The following GRM5 variants were observed in gnomAD, a reference collection of about 807,000 sequenced individuals.
GRM5 encodes metabotropic glutamate receptor 5.
Under a neutral mutation model 83.1 loss-of-function variants are expected in GRM5, and 19 were observed. The ratio of observed to expected loss-of-function variants is 0.23; its 90% CI spans 0.16 to 0.34. The LOEUF (loss-of-function observed/expected upper bound fraction) is 0.34, where lower values mean the gene tolerates loss of function less well. Ranked by LOEUF, GRM5 falls within the 10% of genes least tolerant of loss-of-function variation. The probability of loss-of-function intolerance (pLI) is 1.00; values close to 1 mark genes in which losing one functional copy is unlikely to be tolerated. For synonymous variants in GRM5, 675 were observed against 633.6 expected (o/e 1.07, Z -0.98); for missense variants, 1,160 against 1,588.3 (o/e 0.73, Z 4.58).
chr11:88,531,539 G>T (rs1024794933), intron 8 of GRM5, among the ~76,000 whole-genome samples: 1 of 152,090 alleles, frequency 6.6e-6, no homozygotes, highest in African/African-American at 2.4e-5. Flanking sequence ...GTATGAGTGA[G>T]GACACTCAAG....
At chr11:88,568,344 C>T (rs1942915443) in intron 7 of GRM5, among the ~76,000 whole-genome samples, 1 of 152,132 alleles carries the variant, frequency 6.6e-6, no homozygotes, top group Non-Finnish European at 1.5e-5. Flanking sequence ...TCTCTTGAAG[C>T]AGCAAAGGCC....
chr11:88,829,466 C>T (rs1943949005), intron 3 of GRM5, among the ~76,000 whole-genome samples: 1 of 151,702 alleles, frequency 6.6e-6, no homozygotes, highest in Non-Finnish European at 1.5e-5. Context: ...GTCTCAAAAA[C>T]AAACAAACAA....
chr11:88,893,423 G>C (rs529467887), intron 2 of GRM5, among the ~76,000 whole-genome samples: 105 of 152,070 alleles, frequency 6.9e-4, no homozygotes, highest in African/African-American at 2.5e-3. Context: ...GTAAATACCT[G>C]TCCTAAAAAG....
intron 3 of GRM5, among the ~76,000 whole-genome samples, chr11:88,828,921 A>G (rs1943938380): frequency 6.6e-6 from 1 of 152,096 alleles, no homozygotes; most frequent in East Asian, 1.9e-4. Context: ...ATCTGTCTTT[A>G]TGGCAGAATG....
intron 8 of GRM5, among the ~76,000 whole-genome samples, chr11:88,542,572 A>T (rs953168891): frequency 6.6e-6 from 1 of 152,220 alleles, no homozygotes; most frequent in Non-Finnish European, 1.5e-5. Context: ...TGGAATTCAA[A>T]GCTAGGTTCT....
At chr11:88,529,885 A>G (rs1456450042) in intron 8 of GRM5, among the ~76,000 whole-genome samples, 1 of 152,060 alleles carries the variant, frequency 6.6e-6, no homozygotes, top group Non-Finnish European at 1.5e-5. Context: ...CTGAGTTAAG[A>G]AAATTCAAGA....
At chr11:88,737,376 T>A (rs1399492824) in intron 3 of GRM5, among the ~76,000 whole-genome samples, 2 of 152,072 alleles carry the variant, frequency 1.3e-5, no homozygotes, top group East Asian at 3.9e-4. Context: ...CTTGGTGCTT[T>A]AATCCAGTAG....
At chr11:88,891,864 T>A (rs1240194346) in intron 2 of GRM5, among the ~76,000 whole-genome samples, 3 of 152,016 alleles carry the variant, frequency 2.0e-5, no homozygotes, top group African/African-American at 7.2e-5. Flanking sequence ...CTGAAATGTT[T>A]ATGAATATCA....
chr11:88,734,855 C>A (rs1941880103), intron 3 of GRM5, among the ~76,000 whole-genome samples: 2 of 152,032 alleles, frequency 1.3e-5, no homozygotes, highest in South Asian at 4.2e-4. Flanking sequence ...GAAATGGATT[C>A]CAGAGATGGA....
chr11:88,777,422 C>T (rs970633167), intron 3 of GRM5, among the ~76,000 whole-genome samples: 4 of 152,188 alleles, frequency 2.6e-5, no homozygotes, highest in African/African-American at 4.8e-5. Flanking sequence ...TACCAACCTT[C>T]TGCAGCCTAC....
chr11:89,013,998 T>A (rs1342002603), intron 2 of GRM5, among the ~76,000 whole-genome samples: 1 of 152,192 alleles, frequency 6.6e-6, no homozygotes, highest in Non-Finnish European at 1.5e-5. Context: ...CTTATATTTT[T>A]TATTCTAGTT....
intron 3 of GRM5, among the ~76,000 whole-genome samples, chr11:88,746,633 C>T (rs537483868): frequency 6.6e-6 from 1 of 151,822 alleles, no homozygotes; most frequent in East Asian, 1.9e-4. Flanking sequence ...TTTATTTTCA[C>T]CTGCATTCAT....
intron 2 of GRM5, among the ~76,000 whole-genome samples, chr11:88,979,740 G>A (rs949633923): frequency 6.6e-6 from 1 of 152,014 alleles, no homozygotes; most frequent in Non-Finnish European, 1.5e-5. Flanking sequence ...CTCCTGTGCT[G>A]CAGTAGAGAG....
At chr11:88,966,509 A>T (rs549876748) in intron 2 of GRM5, among the ~76,000 whole-genome samples, 1 of 152,172 alleles carries the variant, frequency 6.6e-6, no homozygotes, top group Non-Finnish European at 1.5e-5. Flanking sequence ...AAGGGACATC[A>T]TTACATACCT....
intron 2 of GRM5, among the ~76,000 whole-genome samples, chr11:88,893,785 C>T (rs557515197): frequency 1.2e-4 from 18 of 152,010 alleles, no homozygotes; most frequent in African/African-American, 2.2e-4. Context: ...CCCCACATGA[C>T]GTCCCTTTTC....
chr11:88,887,731 C>A (rs1945069262), intron 2 of GRM5, among the ~76,000 whole-genome samples: 1 of 152,096 alleles, frequency 6.6e-6, no homozygotes, highest in South Asian at 2.1e-4. Context: ...TAGATGGGTA[C>A]CATATTCAGC....
At chr11:88,790,745 G>C (rs550380019) in intron 3 of GRM5, among the ~76,000 whole-genome samples, 39 of 152,110 alleles carry the variant, frequency 2.6e-4, no homozygotes, top group African/African-American at 9.2e-4. Context: ...TTTGAAAGTA[G>C]GAAATATCAC....
intron 3 of GRM5, among the ~76,000 whole-genome samples, chr11:88,678,062 ATT>A (rs11413890): frequency 6.8e-6 from 1 of 146,854 alleles, no homozygotes; most frequent in African/African-American, 2.5e-5. Flanking sequence ...TAATTTCTGA[ATT>A]TTTTTTTTTT....
intron 3 of GRM5, among the ~76,000 whole-genome samples, chr11:88,772,994 C>T (rs1942772250): frequency 6.6e-6 from 1 of 152,074 alleles, no homozygotes; most frequent in African/African-American, 2.4e-5. Context: ...CAAATGATAA[C>T]TCTAGTTCTA....
Sources: allele counts gnomAD v4.1 joint callset (sites outside exome capture counted in the v4.1 genomes callset), GRCh38; gene constraint gnomAD v4.1.1; transcripts MANE v1.5; gene names NCBI Gene and HGNC (gene_info 2026-07-23, HGNC 2026-07-21).